EXOC6: variants seen among roughly 807,000 people sequenced by gnomAD.
EXOC6 encodes the protein exocyst complex component 6.
In EXOC6, 60 loss-of-function variants were observed where a neutral mutation model predicts 112.5. The observed-to-expected ratio is 0.53, with a 90% CI of 0.43 to 0.66. The LOEUF (loss-of-function observed/expected upper bound fraction) is 0.66, where lower values mean the gene tolerates loss of function less well. EXOC6 is among the 30% of genes least tolerant of loss of function. The pLI, the probability that EXOC6 is intolerant of heterozygous loss-of-function variation, is 0.00. For missense variants in EXOC6, 855 were observed against 957.1 expected, an observed-to-expected ratio of 0.89 and a Z score of 1.41; for synonymous variants, 295 against 308.0, an observed-to-expected ratio of 0.96 and a Z score of 0.44.
At chr10:92,912,728 C>T (rs771889547) in intron 6 of EXOC6, among the ~76,000 whole-genome samples, 2 of 152,142 alleles carry the variant, frequency 1.3e-5, no homozygotes, top group Non-Finnish European at 2.9e-5. Flanking sequence ...TACAAACAAT[C>T]TATAGAAACA....
In EXOC6 at chr10:93,058,783, T is replaced by G. The variant is rs1846659079; in HGVS notation, c.*428T>G. The G allele has an allele frequency of 6.6e-6, 1 of 152,400 alleles. No individual in the cohort carries two copies. The highest frequency in any genetic ancestry group is 2.4e-5 in the African/African-American group (1 of 41,470). 9.4% of individuals were successfully genotyped at this position (152,400 alleles called of 1,614,324 possible). On this transcript the variant is annotated 3_prime_UTR_variant, in exon 22 of 22. Transcript: ENST00000260762. ...GTATTTCACTACCATTTTCTGACTT[T>G]TAGCTTTTATTTTCACCTCAATGTG...
At chr10:92,845,343 A>T (rs1847008774), upstream of EXOC6, among the ~76,000 whole-genome samples, 1 of 152,018 alleles carries the variant, frequency 6.6e-6, no homozygotes, top group African/African-American at 2.4e-5. Flanking sequence ...ACTTTAGGGA[A>T]GGAGTGTGAG....
At chr10:92,928,079 C>G (rs1460294271) in intron 8 of EXOC6, among the ~76,000 whole-genome samples, 1 of 152,164 alleles carries the variant, frequency 6.6e-6, no homozygotes, top group East Asian at 1.9e-4. Flanking sequence ...AATCAAAAAT[C>G]TATAAAGCCT....
At chr10:92,932,418 G>T (rs1852095415) in intron 9 of EXOC6, among the ~76,000 whole-genome samples, 1 of 151,940 alleles carries the variant, frequency 6.6e-6, no homozygotes, top group Non-Finnish European at 1.5e-5. Context: ...AACTCTACAT[G>T]TAAAAAAGGG....
At chr10:93,030,372 A>G (rs1040728770) in intron 20 of EXOC6, among the ~76,000 whole-genome samples, 1 of 152,214 alleles carries the variant, frequency 6.6e-6, no homozygotes, top group Non-Finnish European at 1.5e-5. Flanking sequence ...AGCCAAAAAA[A>G]TGGTAAATTT....
intron 6 of EXOC6, 56 bp downstream of exon 6, chr10:92,909,687 A>G (rs1000180373): frequency 9.3e-7 from 1 of 1,073,736 alleles, no homozygotes; most frequent in African/African-American, 1.6e-5. Flanking sequence ...GATCTGGAAA[A>G]TATCCAAGGT....
intron 7 of EXOC6, 55 bp downstream of exon 7, chr10:92,915,968 T>G (rs1589825288): frequency 4.8e-6 from 6 of 1,239,134 alleles, no homozygotes; most frequent in Non-Finnish European, 6.7e-6. Flanking sequence ...TTCTTTTGGA[T>G]TGTAATGTAC....
At chr10:93,018,633 T>C (rs1428753756) in intron 20 of EXOC6, among the ~76,000 whole-genome samples, 1 of 151,650 alleles carries the variant, frequency 6.6e-6, no homozygotes, top group African/African-American at 2.4e-5. Context: ...TTTTACCAGA[T>C]ATTTCAGAGC....
intron 20 of EXOC6, among the ~76,000 whole-genome samples, chr10:93,047,675 C>T (rs1242206196): frequency 2.6e-5 from 4 of 152,002 alleles, no homozygotes; most frequent in East Asian, 1.9e-4. Flanking sequence ...AGGCCAGGCA[C>T]GGTGGCTCAC....
chr10:92,828,390 GT>G (rs1458389140), intron 1 of EXOC6, among the ~76,000 whole-genome samples: 1 of 152,200 alleles, frequency 6.6e-6, no homozygotes, highest in African/African-American at 2.4e-5. Context: ...CTGGAATGCA[GT>G]GGTGCGATCT....
intron 1 of EXOC6, among the ~76,000 whole-genome samples, chr10:92,842,873 CA>C (rs1835112153): frequency 6.6e-6 from 1 of 151,816 alleles, no homozygotes; most frequent in South Asian, 2.1e-4. Context: ...GGGCCCAGGG[CA>C]AAATGAAAAT....
At chr10:93,022,990 C>CTTT (rs768020281) in intron 20 of EXOC6, among the ~76,000 whole-genome samples, 1 of 123,922 alleles carries the variant, frequency 8.1e-6, no homozygotes, top group Non-Finnish European at 1.8e-5. Context: ...ACTTTTCCTT[C>CTTT]TTTTTTTTTT....
intron 17 of EXOC6, among the ~76,000 whole-genome samples, chr10:92,973,123 C>T (rs1432184024): frequency 6.6e-6 from 1 of 152,208 alleles, no homozygotes; most frequent in Non-Finnish European, 1.5e-5. Context: ...AGTCCTGATT[C>T]AGGTCAAATA....
chr10:92,893,679 G>T (rs1359207681), intron 2 of EXOC6, among the ~76,000 whole-genome samples, 159 bp downstream of exon 2: 1 of 152,170 alleles, frequency 6.6e-6, no homozygotes, highest in Admixed American at 6.5e-5. Context: ...TAACACAGTT[G>T]TCATGCTAAT....
At chr10:92,968,411 C>T (rs1842153504) in intron 17 of EXOC6, among the ~76,000 whole-genome samples, 1 of 152,102 alleles carries the variant, frequency 6.6e-6, no homozygotes, top group Non-Finnish European at 1.5e-5. Flanking sequence ...TTATTTAACT[C>T]CTGGCCTCAA....
At chr10:92,861,434 C>T (rs1416100986) in intron 1 of EXOC6, among the ~76,000 whole-genome samples, 1 of 152,162 alleles carries the variant, frequency 6.6e-6, no homozygotes, top group African/African-American at 2.4e-5. Flanking sequence ...GTTGTTATTA[C>T]TGTGGTATAG....
At chr10:92,992,287 CAAAAA>C (rs35924745) in intron 18 of EXOC6, among the ~76,000 whole-genome samples, 2 of 74,238 alleles carry the variant, frequency 2.7e-5, no homozygotes, top group Admixed American at 3.6e-4. Flanking sequence ...GACTCTGTCT[CAAAAA>C]AAAAAAAAAA....
chr10:92,934,069 T>C, intron 9 of EXOC6, 75 bp from the exon 10 acceptor site: 1 of 858,000 alleles, frequency 1.2e-6, no homozygotes, highest in Non-Finnish European at 1.9e-6. Context: ...GTTAATGAAG[T>C]TGTAGTGACT....
intron 1 of EXOC6, among the ~76,000 whole-genome samples, chr10:92,835,162 C>G (rs1455935390): frequency 6.6e-6 from 1 of 152,100 alleles, no homozygotes. Flanking sequence ...AACAATTAGA[C>G]ATATCAATGA....
Sources: allele counts gnomAD v4.1 joint callset (sites outside exome capture counted in the v4.1 genomes callset), GRCh38; gene constraint gnomAD v4.1.1; transcripts MANE v1.5; gene names NCBI Gene and HGNC (gene_info 2026-07-23, HGNC 2026-07-21).